The following NDST4 variants were observed in gnomAD, a reference collection of about 807,000 sequenced individuals.
The protein encoded by NDST4 is N-deacetylase and N-sulfotransferase 4.
A neutral mutation model predicts 100.8 loss-of-function variants in NDST4; 63 were observed. That is an observed-to-expected ratio of 0.62 (90% CI 0.51 to 0.77). The LOEUF is 0.77. NDST4 is among the 30% of genes least tolerant of loss of function. The pLI, the probability that NDST4 is intolerant of heterozygous loss-of-function variation, is 0.00. For synonymous variants in NDST4, 377 were observed against 361.8 expected (o/e 1.04, Z -0.48); for missense variants, 943 against 1,018.4 (o/e 0.93, Z 1.01).
intron 2 of NDST4, among the ~76,000 whole-genome samples, chr4:115,004,854 C>A (rs1208184416): frequency 6.6e-6 from 1 of 152,086 alleles, no homozygotes; most frequent in East Asian, 1.9e-4. Flanking sequence ...TTAGCTTTTT[C>A]TACCACAAAA....
At chr4:115,026,854 G>C (rs919630668) in intron 2 of NDST4, among the ~76,000 whole-genome samples, 1 of 152,060 alleles carries the variant, frequency 6.6e-6, no homozygotes, top group Non-Finnish European at 1.5e-5. Flanking sequence ...TATTTTAATA[G>C]ATATTTCTGA....
chr4:114,859,452 T>C (rs1187780602), intron 7 of NDST4, among the ~76,000 whole-genome samples: 1 of 152,198 alleles, frequency 6.6e-6, no homozygotes, highest in Non-Finnish European at 1.5e-5. Flanking sequence ...AAAAAATGTG[T>C]CTGGTTGGAG....
rs1368237120 is a variant in NDST4 at position 114,986,809 on chromosome 4, TATATATATATATATATATATATA to T, written c.979-9558_979-9536del. Among the ~76,000 whole-genome samples the T allele has an allele frequency of 3.4e-4, 39 of 116,092 alleles. 2 individuals are homozygous for T. Among genetic ancestry groups the T allele is most frequent in the Admixed American group, 2.6e-3 (29 of 11,322 alleles). The allele number at this position is 116,092 out of a possible 152,430, so 76.2% of individuals were successfully genotyped here. ...CCAATTATACATATATATATATATA[TATATATATATATATATATATATA>T]TTTTAATATACTATTCCTATAAGCT... On this transcript the variant is annotated intron_variant, in intron 2 of 13. Transcript: ENST00000264363.
chr4:114,914,692 C>T (rs79916209), intron 6 of NDST4, among the ~76,000 whole-genome samples: 1 of 152,080 alleles, frequency 6.6e-6, no homozygotes, highest in East Asian at 1.9e-4. Flanking sequence ...CCTGAAATTT[C>T]AAAAAGTCAT....
intron 6 of NDST4, among the ~76,000 whole-genome samples, chr4:114,909,523 G>A (rs914682865): frequency 4.4e-4 from 67 of 151,038 alleles, no homozygotes; most frequent in African/African-American, 1.6e-3. Flanking sequence ...AGCCGGGCGC[G>A]GTGGCGGGCG....
intron 3 of NDST4, among the ~76,000 whole-genome samples, chr4:114,973,801 G>A (rs953839497): frequency 6.6e-6 from 1 of 151,490 alleles, no homozygotes; most frequent in Non-Finnish European, 1.5e-5. Flanking sequence ...CCTTATATTT[G>A]TGTAATTTGT....
Position 114,948,318 on chromosome 4 carries a change from T to C in NDST4, c.1222-10815A>G, listed in dbSNP as rs375393894. On this transcript the variant is annotated intron_variant, in intron 4 of 13. Transcript: ENST00000264363. ...AACGTGTTATTACATTTTGTCCTTT[T>C]ATGACATCCTGTGCCTTCTCTTACT... Among the ~76,000 whole-genome samples, 5 of 151,774 alleles carry C rather than the reference T, an allele frequency of 3.3e-5. No individual in the cohort carries two copies. In the East Asian group the frequency reaches 9.7e-4, roughly 29 times the overall value.
intron 2 of NDST4, among the ~76,000 whole-genome samples, chr4:114,999,560 T>C (rs894938173): frequency 6.6e-6 from 1 of 152,106 alleles, no homozygotes; most frequent in Non-Finnish European, 1.5e-5. Flanking sequence ...AGAAAACTCT[T>C]ACTGGACACC....
chr4:115,041,092 C>G (rs573390310), intron 2 of NDST4, among the ~76,000 whole-genome samples: 1 of 152,166 alleles, frequency 6.6e-6, no homozygotes, highest in Non-Finnish European at 1.5e-5. Flanking sequence ...TGCAATGTCA[C>G]TATTTCACAA....
chr4:115,033,151 ATATATATTTTTT>A (rs1728155554), intron 2 of NDST4, among the ~76,000 whole-genome samples: 24 of 97,078 alleles, frequency 2.5e-4, no homozygotes, highest in African/African-American at 1.2e-3. Flanking sequence ...ATATATATAT[ATATATATTTTTT>A]TTTTTTTTGA....
chr4:114,889,149 C>G (rs1192485499), intron 6 of NDST4, among the ~76,000 whole-genome samples: 1 of 152,084 alleles, frequency 6.6e-6, no homozygotes, highest in Non-Finnish European at 1.5e-5. Context: ...TACAAAAGCA[C>G]ATGTGTTTGA....
intron 4 of NDST4, among the ~76,000 whole-genome samples, chr4:114,938,020 T>C (rs531309236): frequency 2.6e-5 from 4 of 152,312 alleles, no homozygotes; most frequent in South Asian, 4.1e-4. Context: ...TCTCTGAGCC[T>C]GGAGGGCCAA....
chr4:114,973,814 A>G (rs1439769607), intron 3 of NDST4, among the ~76,000 whole-genome samples: 1 of 151,834 alleles, frequency 6.6e-6, no homozygotes, highest in African/African-American at 2.4e-5. Flanking sequence ...TAATTTGTAT[A>G]AAATATAATT....
Position 115,082,598 on chromosome 4 carries a change from G to A in NDST4, c.-246-5316C>T, listed in dbSNP as rs146833251. Among the ~76,000 whole-genome samples, 54 of 152,286 alleles carry A rather than the reference G, an allele frequency of 3.5e-4. 2 individuals are homozygous for A. The East Asian group carries it at 0.01, about 29-fold the overall frequency. On this transcript the variant is annotated intron_variant, in intron 1 of 13. Transcript: ENST00000264363. ...TGAAATTGAGAACAAGAGCAACGAC[G>A]TTTACCAGCATTTAATAAATGGCTA...
At chr4:114,930,288 G>A (rs1371650359) in intron 6 of NDST4, among the ~76,000 whole-genome samples, 2 of 152,184 alleles carry the variant, frequency 1.3e-5, no homozygotes, top group Non-Finnish European at 2.9e-5. Context: ...AGAAGTACAA[G>A]CAAGTTCTGA....
At chr4:115,042,836 A>T (rs1465896318) in intron 2 of NDST4, among the ~76,000 whole-genome samples, 1 of 152,072 alleles carries the variant, frequency 6.6e-6, no homozygotes, top group Non-Finnish European at 1.5e-5. Flanking sequence ...CATCAATGAC[A>T]CTTTGAGTGT....
intron 4 of NDST4, among the ~76,000 whole-genome samples, chr4:114,956,247 T>G (rs1298307956): frequency 6.6e-6 from 1 of 152,160 alleles, no homozygotes; most frequent in Non-Finnish European, 1.5e-5. Flanking sequence ...TAGTTACCTT[T>G]ATCTCTGAGC....
At chr4:115,023,944 C>T (rs1196991124) in intron 2 of NDST4, among the ~76,000 whole-genome samples, 3 of 150,154 alleles carry the variant, frequency 2.0e-5, no homozygotes, top group African/African-American at 5.1e-5. Context: ...CAGTGCAATG[C>T]TTCTTGACCA....
chr4:114,863,811 G>T (rs1233113092), intron 7 of NDST4, among the ~76,000 whole-genome samples: 5 of 152,210 alleles, frequency 3.3e-5, no homozygotes, highest in Admixed American at 6.5e-5. Flanking sequence ...CATAAACAAA[G>T]CAGGCAGAAG....
Sources: gnomAD v4.1 joint callset for allele counts (sites outside exome capture counted in the v4.1 genomes callset) on GRCh38, gnomAD v4.1.1 for gene constraint, MANE v1.5 for transcripts, NCBI Gene and HGNC (gene_info 2026-07-23, HGNC 2026-07-21) for gene names.